TBCE: variants seen among roughly 807,000 people sequenced by gnomAD.
TBCE encodes the protein tubulin-specific chaperone E.
A neutral mutation model predicts 77.0 loss-of-function variants in TBCE; 53 were observed. The ratio of observed to expected loss-of-function variants is 0.69; its 90% confidence interval spans 0.55 to 0.87. The LOEUF (loss-of-function observed/expected upper bound fraction) is 0.87. Ranked by LOEUF, TBCE falls within the 40% of genes least tolerant of loss-of-function variation. The pLI is 0.00. For missense variants in TBCE, 624 were observed against 622.4 expected (o/e 1.00, Z -0.03); for synonymous variants, 235 against 241.3 (o/e 0.97, Z 0.24).
intron 3 of TBCE, among the ~76,000 whole-genome samples, chr1:235,408,879 C>T (rs1195609336): frequency 2.0e-5 from 3 of 152,078 alleles, no homozygotes; most frequent in Non-Finnish European, 4.4e-5. Flanking sequence ...AAAGCTCCAA[C>T]AAGAAAGAAG....
intron 4 of TBCE, among the ~76,000 whole-genome samples, chr1:235,416,700 C>T (rs1374879421): frequency 6.6e-6 from 1 of 152,090 alleles, no homozygotes; most frequent in African/African-American, 2.4e-5. Context: ...TGTAAATGAC[C>T]CTACTACTTG....
At chr1:235,424,978 T>A (rs1680625082) in intron 5 of TBCE, among the ~76,000 whole-genome samples, 1 of 152,092 alleles carries the variant, frequency 6.6e-6, no homozygotes, top group Admixed American at 6.6e-5. Flanking sequence ...TGGCCACTCC[T>A]CAGTCGCTTC....
intron 2 of TBCE, among the ~76,000 whole-genome samples, chr1:235,390,143 A>C (rs572937749): frequency 3.2e-4 from 49 of 152,196 alleles, no homozygotes; most frequent in African/African-American, 1.1e-3. Flanking sequence ...AAGAAAAAGA[A>C]AAAGAAATGC....
At chr1:235,388,187 C>G (rs1312724019) in intron 2 of TBCE, among the ~76,000 whole-genome samples, 1 of 151,292 alleles carries the variant, frequency 6.6e-6, no homozygotes, top group Non-Finnish European at 1.5e-5. Context: ...TGTTTATAGA[C>G]AAGAAGACCA....
At chr1:235,392,364 A>G (rs1048265941) in intron 2 of TBCE, among the ~76,000 whole-genome samples, 2 of 151,620 alleles carry the variant, frequency 1.3e-5, no homozygotes, top group East Asian at 3.9e-4. Context: ...CAGAAAAAAG[A>G]AAGTTGTGAT....
chr1:235,448,220 C>CCAA lies in TBCE; in HGVS notation c.1400-129_1400-128insCAA, dbSNP rs71576473. 10 of 531,010 alleles carry CCAA rather than the reference C, an allele frequency of 1.9e-5. No individual in the cohort carries two copies. In the African/African-American group the frequency reaches 3.1e-4, roughly 17 times the overall value. 32.9% of individuals were successfully genotyped at this position (531,010 alleles called of 1,614,324 possible). A position where few individuals can be genotyped will look rare whatever the true frequency, so the allele number is the denominator to read the frequency against. On this transcript the variant is annotated intron_variant, in intron 15 of 16. Transcript: ENST00000642610. ...CTTAAGTAAGTAAGTAAGTCAGTCTCAAAAAAAAAAAAAAAAAAAAGACAG... is the reference window on the plus strand; with the variant it reads ...CTTAAGTAAGTAAGTAAGTCAGTCTCCAAAAAAAAAAAAAAAAAAAAAAGACAG...
At chr1:235,431,375 T>C (rs1681074123) in intron 7 of TBCE, among the ~76,000 whole-genome samples, 1 of 152,078 alleles carries the variant, frequency 6.6e-6, no homozygotes, top group African/African-American at 2.4e-5. Flanking sequence ...TTTTTTTTTT[T>C]TTTGAGACGG....
intron 15 of TBCE, 176 bp downstream of exon 15, chr1:235,443,087 G>C (rs970076632): frequency 1.1e-4 from 73 of 661,978 alleles, no homozygotes; most frequent in South Asian, 7.6e-4. Flanking sequence ...ACTCCCCCAT[G>C]CCCCCAAAAG....
intron 2 of TBCE, among the ~76,000 whole-genome samples, chr1:235,400,103 G>A (rs1679003299): frequency 6.6e-6 from 1 of 152,096 alleles, no homozygotes; most frequent in Non-Finnish European, 1.5e-5. Context: ...CTGGTTTACA[G>A]AAATCTAGTC....
chr1:235,433,315 G>A (rs1441020687), intron 7 of TBCE: 9 of 457,478 alleles, frequency 2.0e-5, no homozygotes. Flanking sequence ...CTGCCTCCTG[G>A]GCCAAAATGA....
At chr1:235,389,708 C>T (rs1398219650) in intron 2 of TBCE, among the ~76,000 whole-genome samples, 1 of 152,114 alleles carries the variant, frequency 6.6e-6, no homozygotes, top group Admixed American at 6.6e-5. Flanking sequence ...GTAATAATTT[C>T]TGCGGTTACT....
At chr1:235,420,469 C>A (rs1422173706) in intron 5 of TBCE, among the ~76,000 whole-genome samples, 1 of 147,782 alleles carries the variant, frequency 6.8e-6, no homozygotes, top group East Asian at 2.0e-4. Flanking sequence ...TGCCCGCCAC[C>A]ATGTCTGGCT....
At chr1:235,419,199 T>G (rs1364608600) in intron 4 of TBCE, 2 of 505,084 alleles carry the variant, frequency 4.0e-6, no homozygotes, top group African/African-American at 3.9e-5. Flanking sequence ...ACAACGAGAC[T>G]CTGGCTAAAA....
intron 7 of TBCE, among the ~76,000 whole-genome samples, chr1:235,431,439 G>A (rs1681079563): frequency 1.3e-5 from 2 of 150,370 alleles, no homozygotes; most frequent in Admixed American, 1.3e-4. Flanking sequence ...TTGGCTCACT[G>A]CAACCTTTGC....
In TBCE at chr1:235,448,704, T is replaced by G; in HGVS notation, c.1526T>G (p.Leu509Arg). The G allele has an allele frequency of 1.9e-6, 3 of 1,614,146 alleles. No homozygotes were observed. Among genetic ancestry groups the G allele is most frequent in the Non-Finnish European group, 2.5e-6 (3 of 1,179,988 alleles). ...AGAGAAATCGAGCTGGAAAATGACC[T>G]AAAGTCATTACAGTTTTATTCTGTG... ...PGREIELENDLKSLQFYSVEN... is the reference protein window; with the variant it reads ...PGREIELENDRKSLQFYSVEN... The change falls in exon 17 of 17, where the codon CTA (leucine) becomes CGA (arginine). Residue 509 changes from leucine (L) to arginine (R), a missense_variant. Coordinates refer to ENST00000642610, the MANE Select transcript of TBCE (RefSeq NM_003193.5).
At chr1:235,397,652 T>C (rs1265694599) in intron 2 of TBCE, among the ~76,000 whole-genome samples, 1 of 152,202 alleles carries the variant, frequency 6.6e-6, no homozygotes, top group Non-Finnish European at 1.5e-5. Flanking sequence ...GGAAACAAAT[T>C]AGGTTGACCA....
chr1:235,450,203 C>T lies in TBCE; in HGVS notation c.*1441C>T, dbSNP rs1186454404. The T allele has an allele frequency of 8.1e-6, 13 of 1,614,152 alleles. No individual in the cohort carries two copies. Among genetic ancestry groups the T allele is most frequent in the Non-Finnish European group, 1.1e-5 (13 of 1,180,012 alleles). On this transcript the variant is annotated 3_prime_UTR_variant, in exon 17 of 17. Transcript: ENST00000642610. ...TTTTAGACTCTGCTAATTCAAGTCC[C>T]TGTTATCTTGCTTGACATCGACAAG...
chr1:235,376,218 G>T (rs1677288683), intron 1 of TBCE, among the ~76,000 whole-genome samples: 1 of 152,100 alleles, frequency 6.6e-6, no homozygotes, highest in Non-Finnish European at 1.5e-5. Flanking sequence ...AGGAATTCAT[G>T]AGTTACCTAC....
chr1:235,380,395 A>T (rs1328445967), intron 2 of TBCE, among the ~76,000 whole-genome samples: 1 of 152,192 alleles, frequency 6.6e-6, no homozygotes, highest in African/African-American at 2.4e-5. Context: ...GCTATCTTAT[A>T]TAAAATCAAC....
Sources: gnomAD v4.1 joint callset for allele counts (sites outside exome capture counted in the v4.1 genomes callset) on GRCh38, gnomAD v4.1.1 for gene constraint, MANE v1.5 for transcripts, NCBI Gene and HGNC (gene_info 2026-07-23, HGNC 2026-07-21) for gene names.